The following SPAG16 variants were observed in gnomAD, a reference collection of about 807,000 sequenced individuals.
The protein encoded by SPAG16 is sperm associated antigen 16.
A neutral mutation model predicts 80.4 loss-of-function variants in SPAG16; 86 were observed. The ratio of observed to expected loss-of-function variants is 1.07; its 90% CI spans 0.90 to 1.28. SPAG16 has a LOEUF of 1.28. Among genes scored for constraint, SPAG16 ranks in the 50% most tolerant of loss-of-function variants. The pLI is 0.00. For synonymous variants in SPAG16, 294 were observed against 265.9 expected (o/e 1.11, Z -1.03); for missense variants, 870 against 765.3 (o/e 1.14, Z -1.61).
At chr2:214,370,314 CTA>C in intron 15 of SPAG16, among the ~76,000 whole-genome samples, 1 of 152,156 alleles carries the variant, frequency 6.6e-6, no homozygotes, top group South Asian at 2.1e-4. Flanking sequence ...AAAGTTATTG[CTA>C]TGTGTCCACT....
intron 10 of SPAG16, among the ~76,000 whole-genome samples, chr2:213,537,379 T>C (rs1357621514): frequency 6.6e-6 from 1 of 152,060 alleles, no homozygotes; most frequent in Non-Finnish European, 1.5e-5. Flanking sequence ...GAACTTTAAA[T>C]ATAGTAATAT....
At chr2:214,224,738 A>C (rs1474625002) in intron 15 of SPAG16, among the ~76,000 whole-genome samples, 1 of 152,182 alleles carries the variant, frequency 6.6e-6, no homozygotes, top group Non-Finnish European at 1.5e-5. Flanking sequence ...AAAGTAAGCA[A>C]ATTAATACTA....
chr2:214,121,425 T>C (rs1352519690), intron 14 of SPAG16, among the ~76,000 whole-genome samples: 3 of 151,872 alleles, frequency 2.0e-5, no homozygotes, highest in African/African-American at 7.2e-5. Flanking sequence ...CTTTGGAGTC[T>C]CTGTACAATT....
At chr2:213,554,140 G>T (rs886794054) in intron 10 of SPAG16, among the ~76,000 whole-genome samples, 11 of 152,242 alleles carry the variant, frequency 7.2e-5, no homozygotes, top group African/African-American at 2.4e-4. Flanking sequence ...AACTTCTCTG[G>T]TATGAGAAAA....
chr2:213,332,580 A>T (rs1031574665), intron 5 of SPAG16, among the ~76,000 whole-genome samples: 12 of 152,266 alleles, frequency 7.9e-5, no homozygotes, highest in Non-Finnish European at 1.2e-4. Flanking sequence ...CACATCTAAA[A>T]ATAAAACCAC....
rs182607903 is a variant in SPAG16 at position 213,631,844 on chromosome 2, T to C, written c.1070+141754T>C. Among the ~76,000 whole-genome samples the C allele has an allele frequency of 1.5e-3, 224 of 152,268 alleles. 1 individual carries two copies. Among genetic ancestry groups the C allele is most frequent in the African/African-American group, 4.3e-3 (179 of 41,570 alleles). ...TTCTATTTTGTTCTATGGGCCTATGTGTGTGGTTTTATGCCAGTATCATGC... is the reference window on the plus strand; with the variant it reads ...TTCTATTTTGTTCTATGGGCCTATGCGTGTGGTTTTATGCCAGTATCATGC... On this transcript the variant is annotated intron_variant, in intron 10 of 15. Transcript: ENST00000331683.
intron 15 of SPAG16, among the ~76,000 whole-genome samples, chr2:214,403,333 ATATATT>A (rs1189070454): frequency 2.0e-5 from 3 of 148,652 alleles, no homozygotes; most frequent in South Asian, 4.2e-4. Context: ...ATATTTATTT[ATATATT>A]TATATTTATA....
At chr2:214,370,794 T>C (rs1195193311) in intron 15 of SPAG16, among the ~76,000 whole-genome samples, 1 of 152,204 alleles carries the variant, frequency 6.6e-6, no homozygotes, top group Non-Finnish European at 1.5e-5. Flanking sequence ...TATTTCTCTT[T>C]GTTTATGGAT....
intron 10 of SPAG16, among the ~76,000 whole-genome samples, chr2:213,857,005 G>A (rs1019149470): frequency 1.3e-5 from 2 of 152,128 alleles, no homozygotes; most frequent in South Asian, 4.1e-4. Flanking sequence ...CAAGGAGGAT[G>A]GGTCACCTAA....
intron 15 of SPAG16, among the ~76,000 whole-genome samples, chr2:214,294,043 A>G (rs1261815891): frequency 6.6e-6 from 1 of 152,236 alleles, no homozygotes; most frequent in Non-Finnish European, 1.5e-5. Flanking sequence ...CAGTAGCACC[A>G]TCAGCTCCAG....
intron 14 of SPAG16, among the ~76,000 whole-genome samples, chr2:214,140,588 T>C (rs868757049): frequency 6.6e-5 from 10 of 152,064 alleles, no homozygotes; most frequent in African/African-American, 2.2e-4. Context: ...TTTATACTCA[T>C]GATAACTTTT....
intron 10 of SPAG16, among the ~76,000 whole-genome samples, chr2:213,491,480 A>G (rs2074231782): frequency 6.6e-6 from 1 of 152,188 alleles, no homozygotes; most frequent in African/African-American, 2.4e-5. Context: ...TGTTTATACT[A>G]CAATAACAAA....
In SPAG16 at chr2:213,607,748, T is replaced by C. The variant is rs536613304; in HGVS notation, c.1070+117658T>C. Among the ~76,000 whole-genome samples the C allele has an allele frequency of 5.0e-4, 76 of 152,304 alleles. 1 individual carries two copies. Among genetic ancestry groups the C allele is most frequent in the Non-Finnish European group, 8.7e-4 (59 of 68,028 alleles). The stretch of plus-strand genomic sequence containing the variant: ...ATTCTAAAATACATCTAAGATACAA[T>C]TGGGATTCTATCTAGGAGGGTTTCA... On this transcript the variant is annotated intron_variant, in intron 10 of 15. Transcript: ENST00000331683.
chr2:213,801,288 T>C (rs1200973559), intron 10 of SPAG16, among the ~76,000 whole-genome samples: 3 of 152,232 alleles, frequency 2.0e-5, no homozygotes, highest in East Asian at 3.9e-4. Context: ...ATTTCCTAAT[T>C]TATGATTCTA....
At chr2:214,286,115 A>G (rs1033709876) in intron 15 of SPAG16, among the ~76,000 whole-genome samples, 1 of 152,210 alleles carries the variant, frequency 6.6e-6, no homozygotes, top group African/African-American at 2.4e-5. Flanking sequence ...TCTATATGGA[A>G]CCAAAAATAT....
intron 1 of SPAG16, among the ~76,000 whole-genome samples, chr2:213,294,753 T>C (rs1056753272): frequency 1.3e-5 from 2 of 152,186 alleles, no homozygotes; most frequent in Admixed American, 1.3e-4. Context: ...TTTATAGGTT[T>C]AGATCTCTGT....
intron 1 of SPAG16, among the ~76,000 whole-genome samples, chr2:213,291,878 T>G (rs1212558332): frequency 6.6e-6 from 1 of 152,246 alleles, no homozygotes; most frequent in Non-Finnish European, 1.5e-5. Context: ...TTGACCTCAC[T>G]GGGTTGTGTG....
chr2:214,276,323 T>C (rs951833523), intron 15 of SPAG16, among the ~76,000 whole-genome samples: 9 of 152,234 alleles, frequency 5.9e-5, no homozygotes, highest in African/African-American at 1.4e-4. Context: ...ATGTGTGAAT[T>C]TGATCCTGTC....
intron 8 of SPAG16, among the ~76,000 whole-genome samples, chr2:213,370,656 A>C (rs990026142): frequency 1.3e-5 from 2 of 152,204 alleles, no homozygotes; most frequent in African/African-American, 4.8e-5. Flanking sequence ...GATTCATTCT[A>C]CTCTAATGGT....
Sources: allele counts gnomAD v4.1 joint callset (sites outside exome capture counted in the v4.1 genomes callset), GRCh38; gene constraint gnomAD v4.1.1; transcripts MANE v1.5; gene names NCBI Gene and HGNC (gene_info 2026-07-23, HGNC 2026-07-21).